The following ERC1 variants were observed in gnomAD, a reference collection of about 807,000 sequenced individuals.
ERC1 encodes ELKS/RAB6-interacting/CAST family member 1.
A neutral mutation model predicts 132.0 loss-of-function variants in ERC1; 56 were observed. That is an observed-to-expected ratio of 0.42 (90% confidence interval 0.34 to 0.53). The LOEUF is 0.53. Ranked by LOEUF, ERC1 falls within the 20% of genes least tolerant of loss-of-function variation. The probability of loss-of-function intolerance (pLI) is 0.03; values close to 1 mark genes in which losing one functional copy is unlikely to be tolerated. For synonymous variants in ERC1, 478 were observed against 476.1 expected (o/e 1.00, Z -0.05); for missense variants, 1,202 against 1,349.9 (o/e 0.89, Z 1.72).
chr12:1,305,604 CTAAT>C (rs58255038), intron 15 of ERC1, among the ~76,000 whole-genome samples: 63 of 152,194 alleles, frequency 4.1e-4, no homozygotes, highest in African/African-American at 1.4e-3. Context: ...AGCTCAATAC[CTAAT>C]TATTATTTTC....
chr12:1,447,806 T>G (rs1455698990), intron 18 of ERC1, among the ~76,000 whole-genome samples: 1 of 151,910 alleles, frequency 6.6e-6, no homozygotes, highest in East Asian at 2.0e-4. Context: ...CGCGCCACCG[T>G]GCCCAGCTGA....
intron 7 of ERC1, among the ~76,000 whole-genome samples, chr12:1,141,196 T>G (rs550420153): frequency 2.5e-4 from 38 of 152,324 alleles, no homozygotes; most frequent in African/African-American, 8.7e-4. Context: ...TGGGGTTGTT[T>G]TTCATAAAAG....
chr12:1,183,503 A>G, intron 11 of ERC1, 82 bp downstream of exon 11: 1 of 881,348 alleles, frequency 1.1e-6, no homozygotes, highest in Non-Finnish European at 1.6e-6. Flanking sequence ...ATATGGAATA[A>G]TTTACCAATG....
At chr12:1,091,002 A>C (rs956099084) in intron 3 of ERC1, among the ~76,000 whole-genome samples, 1 of 151,962 alleles carries the variant, frequency 6.6e-6, no homozygotes, top group Non-Finnish European at 1.5e-5. Context: ...GGTTCAAGCT[A>C]TTCTCCTGCC....
At chr12:1,374,536 C>T (rs1323599184) in intron 16 of ERC1, among the ~76,000 whole-genome samples, 1 of 152,142 alleles carries the variant, frequency 6.6e-6, no homozygotes, top group African/African-American at 2.4e-5. Context: ...TGGGTGCCAG[C>T]CAGTGTGTTC....
Position 1,009,177 on chromosome 12 carries a change from A to ATT in ERC1, c.-157+17869_-157+17870dup, listed in dbSNP as rs766670323. 8.5e-4 allele frequency among the ~76,000 whole-genome samples: 123 copies of ATT among 144,216 alleles called. 1 individual carries two copies. The Middle Eastern group carries it at 0.011, about 12-fold the overall frequency. 94.6% of individuals were successfully genotyped at this position (144,216 alleles called of 152,430 possible). On this transcript the variant is annotated intron_variant, in intron 1 of 18. Coordinates refer to ENST00000360905, the MANE Select transcript of ERC1 (RefSeq NM_178040.4). ...TATGCAGTATCTTGTGGTGGTAAAG[A>ATT]TTTTTTTTTTTTTTTGAGACAGAGT...
intron 15 of ERC1, among the ~76,000 whole-genome samples, chr12:1,312,198 T>C (rs1018712592): frequency 1.3e-5 from 2 of 152,158 alleles, no homozygotes; most frequent in Non-Finnish European, 2.9e-5. Flanking sequence ...ATATTGACTT[T>C]TTCTTTTGAA....
intron 18 of ERC1, among the ~76,000 whole-genome samples, chr12:1,447,778 C>T (rs1008874030): frequency 6.6e-6 from 1 of 151,874 alleles, no homozygotes; most frequent in Non-Finnish European, 1.5e-5. Context: ...GCCTCCCGAA[C>T]AGTTGGAACT....
At chr12:1,156,871 G>T (rs1263964223) in intron 8 of ERC1, among the ~76,000 whole-genome samples, 1 of 152,002 alleles carries the variant, frequency 6.6e-6, no homozygotes, top group Non-Finnish European at 1.5e-5. Flanking sequence ...TCTGTTTGAT[G>T]ATGTATTTTT....
At chr12:1,269,091 T>C (rs903012947) in intron 14 of ERC1, among the ~76,000 whole-genome samples, 2 of 152,254 alleles carry the variant, frequency 1.3e-5, no homozygotes, top group African/African-American at 4.8e-5. Context: ...AACAGATCTT[T>C]ATAACTTATT....
At chr12:1,326,908 C>T (rs1179744676) in intron 15 of ERC1, among the ~76,000 whole-genome samples, 2 of 151,518 alleles carry the variant, frequency 1.3e-5, no homozygotes, top group African/African-American at 2.4e-5. Flanking sequence ...TTTAATAATG[C>T]CAAAAATCTG....
intron 16 of ERC1, among the ~76,000 whole-genome samples, chr12:1,382,486 A>T (rs987310246): frequency 6.6e-6 from 1 of 152,208 alleles, no homozygotes; most frequent in African/African-American, 2.4e-5. Context: ...AAGTGTTGGC[A>T]GCTAATGTGT....
chr12:1,295,067 G>T (rs2079810042), intron 15 of ERC1, among the ~76,000 whole-genome samples: 1 of 152,204 alleles, frequency 6.6e-6, no homozygotes, highest in African/African-American at 2.4e-5. Flanking sequence ...GGCATAGTAA[G>T]ACTTAGACCC....
intron 12 of ERC1, chr12:1,190,300 GTATT>G (rs1198295131): frequency 1.7e-6 from 1 of 572,192 alleles, no homozygotes; most frequent in Non-Finnish European, 3.2e-6. Context: ...AAAAAAGAGA[GTATT>G]CATTAATTTA....
At chr12:1,190,245 T>TGGG (rs755433981) in intron 12 of ERC1, 193 bp downstream of exon 12, 1 of 726,920 alleles carries the variant, frequency 1.4e-6, no homozygotes, top group Non-Finnish European at 2.5e-6. Context: ...CAACATAGAA[T>TGGG]GGGAATAAAT....
At chr12:1,116,830 C>T (rs1593400385) in intron 7 of ERC1, among the ~76,000 whole-genome samples, 1 of 152,210 alleles carries the variant, frequency 6.6e-6, no homozygotes, top group South Asian at 2.1e-4. Context: ...ATCCGCCCGC[C>T]TCTGCCTCCC....
At chr12:1,024,619 A>T (rs142842424) in intron 1 of ERC1, among the ~76,000 whole-genome samples, 1 of 152,310 alleles carries the variant, frequency 6.6e-6, no homozygotes, top group African/African-American at 2.4e-5. Flanking sequence ...ATTTTGGGAA[A>T]ATATTGTTTA....
At chr12:1,091,930 G>C (rs1943274107) in intron 3 of ERC1, among the ~76,000 whole-genome samples, 1 of 151,990 alleles carries the variant, frequency 6.6e-6, no homozygotes, top group African/African-American at 2.4e-5. Flanking sequence ...GGCAATGCTA[G>C]GGTATCCAGA....
chr12:1,454,562 G>A (rs1010525635), intron 18 of ERC1, among the ~76,000 whole-genome samples: 4 of 152,184 alleles, frequency 2.6e-5, no homozygotes, highest in African/African-American at 4.8e-5. Flanking sequence ...TAGGACACCC[G>A]GTTGGCGTCT....
Sources: gnomAD v4.1 joint callset for allele counts (sites outside exome capture counted in the v4.1 genomes callset) on GRCh38, gnomAD v4.1.1 for gene constraint, MANE v1.5 for transcripts, NCBI Gene and HGNC (gene_info 2026-07-23, HGNC 2026-07-21) for gene names.